The following POU2F1 variants were observed in gnomAD, a reference collection of about 807,000 sequenced individuals.
The protein encoded by POU2F1 is POU class 2 homeobox 1.
A neutral mutation model predicts 84.9 loss-of-function variants in POU2F1; 16 were observed. The observed-to-expected ratio is 0.19, with a 90% CI of 0.13 to 0.29. The LOEUF is 0.29. Among genes scored for constraint, POU2F1 ranks in the 10% least tolerant of loss-of-function variants. POU2F1 has a pLI of 1.00. For synonymous variants in POU2F1, 368 were observed against 368.3 expected (o/e 1.00, Z 0.01); for missense variants, 738 against 942.6 (o/e 0.78, Z 2.84).
At chr1:167,384,106 C>T (rs1647780854) in intron 8 of POU2F1, among the ~76,000 whole-genome samples, 155 bp downstream of exon 8, 1 of 152,068 alleles carries the variant, frequency 6.6e-6, no homozygotes, top group Admixed American at 6.6e-5. Context: ...TCAATGCTAC[C>T]AAATCAATAT....
At chr1:167,287,994 GAT>G (rs1653654340) in intron 1 of POU2F1, among the ~76,000 whole-genome samples, 1 of 152,200 alleles carries the variant, frequency 6.6e-6, no homozygotes, top group Admixed American at 6.5e-5. Context: ...ACTGAGAAAA[GAT>G]AACTGCCAAC....
intron 1 of POU2F1, among the ~76,000 whole-genome samples, chr1:167,223,834 G>A (rs1648423233): frequency 6.6e-6 from 1 of 152,160 alleles, no homozygotes; most frequent in Non-Finnish European, 1.5e-5. Context: ...ATAATTTCAT[G>A]CCTTAAATAG....
At chr1:167,366,028 C>T (rs555499103) in intron 3 of POU2F1, among the ~76,000 whole-genome samples, 17 of 152,286 alleles carry the variant, frequency 1.1e-4, no homozygotes, top group South Asian at 2.1e-4. Context: ...GACCCCCGCA[C>T]CCTAGTTTGA....
chr1:167,395,952 C>A (rs554285333), intron 9 of POU2F1, among the ~76,000 whole-genome samples: 22 of 152,266 alleles, frequency 1.4e-4, no homozygotes, highest in Non-Finnish European at 3.1e-4. Flanking sequence ...TTGGTTGTAT[C>A]AATTAAGGGG....
chr1:167,356,706 A>G (rs1658959862), intron 2 of POU2F1, among the ~76,000 whole-genome samples: 1 of 152,176 alleles, frequency 6.6e-6, no homozygotes, highest in African/African-American at 2.4e-5. Context: ...TTTACTTACA[A>G]AGGCTTTAGA....
chr1:167,237,764 ATATATATATTTTTTTTT>A lies in POU2F1; in HGVS notation c.61+16808_61+16824del, dbSNP rs1279033342. Among the ~76,000 whole-genome samples the A allele has an allele frequency of 1.8e-3, 30 of 16,294 alleles. No individual in the cohort carries two copies. In the East Asian group the frequency reaches 0.032, roughly 17 times the overall value. 10.7% of individuals were successfully genotyped at this position (16,294 alleles called of 152,430 possible). A position where few individuals can be genotyped will look rare whatever the true frequency, so the allele number is the denominator to read the frequency against. On this transcript the variant is annotated intron_variant, in intron 1 of 15. Transcript: ENST00000367866. The stretch of plus-strand genomic sequence containing the variant: ...TGTGTGTGTATATATATATATATAT[ATATATATATTTTTTTTT>A]TTTTTTTTTTTTTTTTTTGGCAGAG...
At chr1:167,272,417 A>G (rs1412100730) in intron 1 of POU2F1, among the ~76,000 whole-genome samples, 1 of 151,486 alleles carries the variant, frequency 6.6e-6, no homozygotes, top group Non-Finnish European at 1.5e-5. Flanking sequence ...CATATTCAGA[A>G]CTGTATTAGT....
rs1285071889 is a variant in POU2F1, at chr1:167,374,293, A to G, written c.588A>G (p.Ala196=). 3.2e-6 allele frequency: 5 copies of G among 1,583,438 alleles called. No homozygotes were observed. The highest frequency in any genetic ancestry group is 1.9e-4 in the Middle Eastern group (1 of 5,188). The change falls in exon 6 of 16, where the codon GCA becomes GCG. Residue 196 remains alanine (A), a synonymous_variant. Coordinates refer to ENST00000367866, the MANE Select transcript of POU2F1 (RefSeq NM_002697.4). Reference sequence around the variant, plus strand: ...CCCTGTCTCAGCCCATACAGATCGCACAGGTGAGTGAGGAACTCCAATAGC... The same window carrying G: ...CCCTGTCTCAGCCCATACAGATCGCGCAGGTGAGTGAGGAACTCCAATAGC... ...QIPLSQPIQI[A]QDLQQLQQLQ...
At chr1:167,375,726 G>A (rs1418927845) in intron 6 of POU2F1, among the ~76,000 whole-genome samples, 3 of 152,008 alleles carry the variant, frequency 2.0e-5, no homozygotes, top group Non-Finnish European at 4.4e-5. Context: ...AACCCATATT[G>A]GTCTTTACAT....
intron 1 of POU2F1, among the ~76,000 whole-genome samples, chr1:167,298,144 A>G (rs1448325870): frequency 2.0e-5 from 3 of 151,966 alleles, no homozygotes; most frequent in Non-Finnish European, 2.9e-5. Context: ...AACAACAACA[A>G]CAACAACAAA....
At chr1:167,289,275 T>C (rs1653748408) in intron 1 of POU2F1, among the ~76,000 whole-genome samples, 1 of 152,226 alleles carries the variant, frequency 6.6e-6, no homozygotes, top group African/African-American at 2.4e-5. Context: ...CAACAAATGT[T>C]TCTGAGTGCT....
chr1:167,272,863 C>T (rs1039234674), intron 1 of POU2F1, among the ~76,000 whole-genome samples: 8 of 152,158 alleles, frequency 5.3e-5, no homozygotes, highest in African/African-American at 1.9e-4. Flanking sequence ...CATCCCTTCT[C>T]AGTAGTCCCC....
chr1:167,304,028 T>C (rs973252877), intron 1 of POU2F1, among the ~76,000 whole-genome samples: 3 of 152,196 alleles, frequency 2.0e-5, no homozygotes, highest in Non-Finnish European at 2.9e-5. Context: ...ACATGAAGAT[T>C]AAAGAAGTAA....
intron 1 of POU2F1, among the ~76,000 whole-genome samples, chr1:167,235,410 G>A (rs1649376284): frequency 6.6e-6 from 1 of 152,206 alleles, no homozygotes; most frequent in South Asian, 2.1e-4. Context: ...AATAGTCTGA[G>A]AAGATGAATT....
chr1:167,245,481 T>G (rs920402980), intron 1 of POU2F1, among the ~76,000 whole-genome samples: 54 of 151,172 alleles, frequency 3.6e-4, no homozygotes, highest in African/African-American at 1.0e-3. Context: ...TGGTGTGATC[T>G]CAGCTCACTG....
At chr1:167,221,007 T>G in intron 1 of POU2F1, 49 bp downstream of exon 1, 2 of 1,414,452 alleles carry the variant, frequency 1.4e-6, no homozygotes, top group Non-Finnish European at 1.9e-6. Flanking sequence ...CAACCCCGGC[T>G]CCCGCTGCCC....
At chr1:167,237,763 TATATATATA>T (rs148796220) in intron 1 of POU2F1, among the ~76,000 whole-genome samples, 11,153 of 41,376 alleles carry the variant, frequency 0.27, 2,754 homozygotes, top group Non-Finnish European at 0.36. Context: ...TATATATATA[TATATATATA>T]TTTTTTTTTT....
At chr1:167,384,861 A>ATAT (rs1407438690) in intron 8 of POU2F1, among the ~76,000 whole-genome samples, 1 of 152,144 alleles carries the variant, frequency 6.6e-6, no homozygotes, top group Admixed American at 6.5e-5. Context: ...CAATAAGACA[A>ATAT]TAAAATAAAA....
rs115910721 is a variant in POU2F1, at chr1:167,222,370, G to A, written c.61+1412G>A. On this transcript the variant is annotated intron_variant, in intron 1 of 15. Coordinates refer to ENST00000367866, the MANE Select transcript of POU2F1 (RefSeq NM_002697.4). ...TTTATATTATTGAAATGGCCGCCTG[G>A]CTTTCCCCGCCTCTCATGTTTAGTA... is the stretch of plus-strand genomic sequence containing the variant. Among the ~76,000 whole-genome samples, 581 of 152,226 alleles carry A rather than the reference G, an allele frequency of 3.8e-3. 3 individuals carry two copies. The highest frequency in any genetic ancestry group is 0.013 in the African/African-American group (559 of 41,526).
Sources: allele counts gnomAD v4.1 joint callset (sites outside exome capture counted in the v4.1 genomes callset), GRCh38; gene constraint gnomAD v4.1.1; transcripts MANE v1.5; gene names NCBI Gene and HGNC (gene_info 2026-07-23, HGNC 2026-07-21).